The following ERBB4 variants were observed in gnomAD, a reference collection of about 807,000 sequenced individuals.
The protein encoded by ERBB4 is erb-b2 receptor tyrosine kinase 4.
In ERBB4, 42 loss-of-function variants were observed where a neutral mutation model predicts 158.0. That is an observed-to-expected ratio of 0.27 (90% confidence interval 0.21 to 0.34). ERBB4 has a LOEUF of 0.34. ERBB4 is among the 10% of genes least tolerant of loss of function. The pLI, the probability that ERBB4 is intolerant of heterozygous loss-of-function variation, is 1.00. For synonymous variants in ERBB4, 583 were observed against 558.7 expected (o/e 1.04, Z -0.61); for missense variants, 1,333 against 1,624.1 (o/e 0.82, Z 3.08).
intron 1 of ERBB4, among the ~76,000 whole-genome samples, chr2:212,352,732 G>A (rs1045685242): frequency 2.0e-5 from 3 of 152,024 alleles, no homozygotes; most frequent in Non-Finnish European, 1.5e-5. Flanking sequence ...GCTGGGTGTG[G>A]TTGTGGGCAC....
chr2:212,332,558 A>T (rs952704665), intron 1 of ERBB4, among the ~76,000 whole-genome samples: 2 of 152,048 alleles, frequency 1.3e-5, no homozygotes, highest in African/African-American at 4.8e-5. Context: ...TCCTACTTTT[A>T]AAATCTATAA....
At chr2:212,258,670 T>G (rs6731885) in intron 1 of ERBB4, among the ~76,000 whole-genome samples, 34,908 of 149,118 alleles carry the variant, frequency 0.23, 4,619 homozygotes, top group Non-Finnish European at 0.28. Context: ...ATTGAGGCAG[T>G]CTAGTTAAAG....
chr2:212,339,553 C>T lies in ERBB4; in HGVS notation c.82+198896G>A, dbSNP rs528949533. Among the ~76,000 whole-genome samples the T allele has an allele frequency of 1.3e-4, 20 of 152,218 alleles. No homozygotes were observed. The South Asian group carries it at 3.5e-3, about 27-fold the overall frequency. On this transcript the variant is annotated intron_variant, in intron 1 of 27. Coordinates refer to ENST00000342788, the MANE Select transcript of ERBB4 (RefSeq NM_005235.3). ...AAATTTTGTCTCATTAAAAAAGTCA[C>T]GCATCCCACCACTTCATTTGCAAAA...
intron 1 of ERBB4, among the ~76,000 whole-genome samples, chr2:212,271,944 AC>A (rs1371744065): frequency 6.6e-6 from 1 of 151,770 alleles, no homozygotes; most frequent in Non-Finnish European, 1.5e-5. Flanking sequence ...TCTCTAGCAA[AC>A]TTAAGAGTCC....
rs1353265490 is a variant in ERBB4 at position 211,379,051 on chromosome 2, A to G, written c.*4564T>C. 3 of 231,452 alleles carry G rather than the reference A, an allele frequency of 1.3e-5. No individual in the cohort carries two copies. Among genetic ancestry groups the G allele is most frequent in the Non-Finnish European group, 2.6e-5 (3 of 117,026 alleles). 14.3% of individuals were successfully genotyped at this position (231,452 alleles called of 1,614,324 possible). A position where few individuals can be genotyped will look rare whatever the true frequency, so the allele number is the denominator to read the frequency against. ...TATAACAATCATCATTCTAATAACT[A>G]AAGTCCAAAAGAATGGCAATGCAAT... On this transcript the variant is annotated 3_prime_UTR_variant, in exon 28 of 28. Coordinates refer to ENST00000342788, the MANE Select transcript of ERBB4 (RefSeq NM_005235.3).
intron 2 of ERBB4, chr2:211,960,609 C>T (rs902976903): frequency 2.0e-5 from 3 of 152,076 alleles, no homozygotes; most frequent in Middle Eastern, 3.2e-3. Flanking sequence ...ATTTGTTACT[C>T]ACAATTTTGG....
intron 3 of ERBB4, among the ~76,000 whole-genome samples, chr2:211,830,169 A>C (rs933248339): frequency 1.3e-5 from 2 of 152,170 alleles, no homozygotes; most frequent in African/African-American, 4.8e-5. Context: ...TTATTTGTTT[A>C]CTTATTGACT....
chr2:212,426,434 T>C (rs1560288968), intron 1 of ERBB4: 2 of 419,590 alleles, frequency 4.8e-6, no homozygotes, highest in East Asian at 9.2e-5. Context: ...TCAAGTGTCT[T>C]AGTAATTTCT....
At chr2:211,653,684 G>C (rs1264821817) in intron 16 of ERBB4, among the ~76,000 whole-genome samples, 1 of 151,772 alleles carries the variant, frequency 6.6e-6, no homozygotes, top group Non-Finnish European at 1.5e-5. Context: ...TTTTTGGGGG[G>C]GTTTGAGGGG....
intron 1 of ERBB4, among the ~76,000 whole-genome samples, chr2:212,332,818 G>A (rs536059732): frequency 4.6e-5 from 7 of 151,888 alleles, no homozygotes; most frequent in Non-Finnish European, 1.0e-4. Flanking sequence ...TTTCTTTATG[G>A]TACCGTCCAA....
At chr2:211,673,315 T>C in intron 13 of ERBB4, 58 bp from the exon 14 acceptor site, 1 of 1,219,984 alleles carries the variant, frequency 8.2e-7, no homozygotes, top group Non-Finnish European at 1.2e-6. Context: ...ACTTAACAAA[T>C]GAAGTAACAT....
rs565146806 is a variant in ERBB4, at chr2:212,118,722, A to T, written c.234+6030T>A. 1.4e-4 allele frequency among the ~76,000 whole-genome samples: 21 copies of T among 152,038 alleles called. 2 individuals carry two copies. The highest frequency in any genetic ancestry group is 5.1e-4 in the African/African-American group (21 of 41,496). The stretch of plus-strand genomic sequence containing the variant: ...GCATGATTTCTCCAAAGTTTTTTTA[A>T]AAAAAAATAGAAATTTTTAGATGGC... On this transcript the variant is annotated intron_variant, in intron 2 of 27. Coordinates refer to ENST00000342788, the MANE Select transcript of ERBB4 (RefSeq NM_005235.3).
intron 4 of ERBB4, among the ~76,000 whole-genome samples, chr2:211,770,789 A>T (rs1040760618): frequency 5.9e-5 from 9 of 152,126 alleles, no homozygotes; most frequent in African/African-American, 2.2e-4. Flanking sequence ...ACCTCACATA[A>T]CATGCAAATT....
chr2:211,524,860 C>T (rs573750304), intron 20 of ERBB4, among the ~76,000 whole-genome samples: 10 of 152,278 alleles, frequency 6.6e-5, no homozygotes, highest in Admixed American at 2.0e-4. Context: ...CCTCAGGTGC[C>T]GCCAAAGTGG....
intron 2 of ERBB4, among the ~76,000 whole-genome samples, chr2:212,108,278 TG>T (rs1490750763): frequency 6.6e-6 from 1 of 152,184 alleles, no homozygotes; most frequent in Non-Finnish European, 1.5e-5. Flanking sequence ...ACACTTCCCC[TG>T]TTATCATTTA....
At chr2:211,421,535 G>A (rs1264206264) in intron 24 of ERBB4, among the ~76,000 whole-genome samples, 1 of 151,766 alleles carries the variant, frequency 6.6e-6, no homozygotes, top group Non-Finnish European at 1.5e-5. Context: ...CTTAGATACT[G>A]CATATCTCTC....
In ERBB4 at chr2:211,381,582, T is replaced by TGAA; in HGVS notation, c.*2030_*2032dup. The TGAA allele has an allele frequency of 4.3e-6, 1 of 231,272 alleles. No homozygotes were observed. 14.3% of individuals were successfully genotyped at this position (231,272 alleles called of 1,614,324 possible). A position where few individuals can be genotyped will look rare whatever the true frequency, so the allele number is the denominator to read the frequency against. On this transcript the variant is annotated 3_prime_UTR_variant, in exon 28 of 28. Transcript: ENST00000342788. ...TTAAATCTCCTAGATCATAGAATTT[T>TGAA]GAAGTTGAGGATGATATTCCATTTA... is the stretch of plus-strand genomic sequence containing the variant.
chr2:212,178,181 A>G (rs2081737620), intron 1 of ERBB4, among the ~76,000 whole-genome samples: 1 of 151,860 alleles, frequency 6.6e-6, no homozygotes, highest in Admixed American at 6.6e-5. Flanking sequence ...CCTTAAAAAC[A>G]ATGATAAGTC....
At chr2:211,602,074 C>A (rs2068817817) in intron 19 of ERBB4, among the ~76,000 whole-genome samples, 1 of 152,008 alleles carries the variant, frequency 6.6e-6, no homozygotes, top group Non-Finnish European at 1.5e-5. Flanking sequence ...AGGCTTCCTG[C>A]AATTTCTGGC....
Sources: gnomAD v4.1 joint callset for allele counts (sites outside exome capture counted in the v4.1 genomes callset) on GRCh38, gnomAD v4.1.1 for gene constraint, MANE v1.5 for transcripts, NCBI Gene and HGNC (gene_info 2026-07-23, HGNC 2026-07-21) for gene names.